DENND2A: variants seen among roughly 807,000 people sequenced by gnomAD.
The protein encoded by DENND2A is DENN domain containing 2A, also known as DENN domain-containing protein 2A.
Under a neutral mutation model 105.3 loss-of-function variants are expected in DENND2A, and 53 were observed. The observed-to-expected ratio is 0.50, with a 90% CI of 0.40 to 0.63. The LOEUF (loss-of-function observed/expected upper bound fraction) is 0.63, where lower values mean the gene tolerates loss of function less well. Among genes scored for constraint, DENND2A ranks in the 30% least tolerant of loss-of-function variants. The pLI is 0.00. For missense variants in DENND2A, 1,138 were observed against 1,279.6 expected, an observed-to-expected ratio of 0.89 and a Z score of 1.69; for synonymous variants, 522 against 508.4, an observed-to-expected ratio of 1.03 and a Z score of -0.36.
chr7:140,561,907 T>C (rs1479449116), intron 9 of DENND2A, among the ~76,000 whole-genome samples: 1 of 151,996 alleles, frequency 6.6e-6, no homozygotes, highest in African/African-American at 2.4e-5. Flanking sequence ...TTTATTCTTT[T>C]GAGATGGACT....
intron 1 of DENND2A, among the ~76,000 whole-genome samples, chr7:140,612,762 A>G (rs146418793): frequency 6.8e-4 from 103 of 151,990 alleles, no homozygotes; most frequent in African/African-American, 2.4e-3. Flanking sequence ...TTGGCCTCCC[A>G]AAGTACTGGG....
In DENND2A at chr7:140,518,617, C is replaced by T. The variant is rs975535126; in HGVS notation, c.*90G>A. 2.8e-6 allele frequency: 4 copies of T among 1,428,742 alleles called. No homozygotes were observed. Among genetic ancestry groups the T allele is most frequent in the Non-Finnish European group, 3.9e-6 (4 of 1,020,332 alleles). 88.5% of individuals were successfully genotyped at this position (1,428,742 alleles called of 1,614,324 possible). A position where few individuals can be genotyped will look rare whatever the true frequency, so the allele number is the denominator to read the frequency against. ...GGCCTCCAGTTCCGCACCGTGACAACCTGGGACCCAGCCTTTCAGAAAGGC... is the reference window on the plus strand; with the variant it reads ...GGCCTCCAGTTCCGCACCGTGACAATCTGGGACCCAGCCTTTCAGAAAGGC... On this transcript the variant is annotated 3_prime_UTR_variant, in exon 20 of 20. Coordinates refer to ENST00000496613, the MANE Select transcript of DENND2A (RefSeq NM_015689.5).
intron 1 of DENND2A, among the ~76,000 whole-genome samples, chr7:140,614,578 G>A (rs1397248669): frequency 6.6e-6 from 1 of 152,150 alleles, no homozygotes; most frequent in Non-Finnish European, 1.5e-5. Context: ...TTGCAAATAA[G>A]GCCATGGGCT....
intron 12 of DENND2A, among the ~76,000 whole-genome samples, chr7:140,550,134 TGGGGTTA>T (rs1399864590): frequency 1.6e-3 from 2 of 1,270 alleles, no homozygotes; most frequent in Non-Finnish European, 3.4e-3. Flanking sequence ...GGGATAGGGG[TGGGGTTA>T]GGGGTGGGGT....
At chr7:140,590,786 C>A (rs982849240) in intron 3 of DENND2A, among the ~76,000 whole-genome samples, 2 of 151,992 alleles carry the variant, frequency 1.3e-5, no homozygotes, top group Admixed American at 1.3e-4. Context: ...GTGGGAGGAT[C>A]CCTTGAGCCT....
chr7:140,519,163 C>T (rs901047488), intron 19 of DENND2A, among the ~76,000 whole-genome samples: 2 of 152,200 alleles, frequency 1.3e-5, no homozygotes, highest in African/African-American at 2.4e-5. Context: ...CTGCAGACAC[C>T]TCCCTACTGG....
intron 8 of DENND2A, among the ~76,000 whole-genome samples, chr7:140,567,894 A>AGGGTCACTGAGTGGAC (rs1797930313): frequency 6.6e-6 from 1 of 152,176 alleles, no homozygotes; most frequent in African/African-American, 2.4e-5. Context: ...TGAATGCAGC[A>AGGGTCACTGAGTGGAC]GGGTCACTGA....
At chr7:140,533,944 C>T (rs1261515781) in intron 14 of DENND2A, among the ~76,000 whole-genome samples, 2 of 152,116 alleles carry the variant, frequency 1.3e-5, no homozygotes, top group African/African-American at 2.4e-5. Flanking sequence ...GATGGAGTCT[C>T]ACTCTGTCGC....
chr7:140,587,557 T>C (rs1482729041), intron 4 of DENND2A, 96 bp downstream of exon 4: 8 of 1,511,052 alleles, frequency 5.3e-6, no homozygotes, highest in Non-Finnish European at 2.7e-6. Flanking sequence ...TGTGTGTACA[T>C]GTGTGTGCAC....
intron 1 of DENND2A, among the ~76,000 whole-genome samples, chr7:140,628,058 G>C (rs1800599867): frequency 6.6e-6 from 1 of 152,076 alleles, no homozygotes. Flanking sequence ...CCAAAGTGCT[G>C]GGATTACAGG....
chr7:140,559,813 T>C lies in DENND2A; in HGVS notation c.1784A>G (p.Glu595Gly). ...TTCTCTCATGAACTTGAAAGACCTT[T>C]CCAACTGCAGGGAGAAAGGTGAGAG... is the stretch of plus-strand genomic sequence containing the variant. Reference protein sequence around the residue: ...ELTQQFPLKLERSFKFMREAE... With the variant: ...ELTQQFPLKLGRSFKFMREAE... Residue 595 changes from glutamate to glycine, a missense_variant, in exon 10 of 20, where the codon GAA becomes GGA. This residue lies in a region of DENND2A where 627 missense variants were observed against 779.8 expected (regional missense o/e 0.80). Coordinates refer to ENST00000496613, the MANE Select transcript of DENND2A (RefSeq NM_015689.5). This position sits in a 1 kb window ranked among gnomAD's most constrained non-coding sequence, Gnocchi z 4.1. 1 of 1,611,550 alleles carries C rather than the reference T, an allele frequency of 6.2e-7. No individual in the cohort carries two copies. Among genetic ancestry groups the C allele is most frequent in the Non-Finnish European group, 8.5e-7 (1 of 1,177,674 alleles).
intron 3 of DENND2A, among the ~76,000 whole-genome samples, chr7:140,590,146 T>A (rs1798953171): frequency 1.3e-5 from 2 of 152,120 alleles, no homozygotes; most frequent in Non-Finnish European, 2.9e-5. Flanking sequence ...TTCCAGCACT[T>A]TGGGAGGCCG....
At chr7:140,536,749 C>T (rs999654157) in intron 14 of DENND2A, among the ~76,000 whole-genome samples, 1 of 152,090 alleles carries the variant, frequency 6.6e-6, no homozygotes, top group Non-Finnish European at 1.5e-5. Flanking sequence ...ACTGCAGCCT[C>T]CCTCCTGGGT....
Position 140,624,890 on chromosome 7 carries a change from A to G in DENND2A, c.-248+15614T>C, listed in dbSNP as rs556977543. On this transcript the variant is annotated intron_variant, in intron 1 of 19. Transcript: ENST00000496613. ...TTTGTTTTTTTTTTTTTGCTTTTTG[A>G]GACAGCATCTCTCTCTGTTGCCAAG... is the stretch of plus-strand genomic sequence containing the variant. Among the ~76,000 whole-genome samples, 14 of 108,876 alleles carry G rather than the reference A, an allele frequency of 1.3e-4. No individual in the cohort carries two copies. The East Asian group carries it at 3.3e-3, about 25-fold the overall frequency. 71.4% of individuals were successfully genotyped at this position (108,876 alleles called of 152,430 possible). A position where few individuals can be genotyped will look rare whatever the true frequency, so the allele number is the denominator to read the frequency against.
chr7:140,560,550 G>A (rs1051170009), intron 9 of DENND2A, among the ~76,000 whole-genome samples: 1 of 152,062 alleles, frequency 6.6e-6, no homozygotes, highest in Non-Finnish European at 1.5e-5. Flanking sequence ...GGAGTACTTT[G>A]GGAGGCCAAG....
intron 11 of DENND2A, 35 bp downstream of exon 11, chr7:140,558,108 G>A (rs1329782832): frequency 2.5e-6 from 4 of 1,595,366 alleles, no homozygotes; most frequent in East Asian, 2.2e-5. Flanking sequence ...GGAAGTCCAC[G>A]AGGCTCTTGC....
At chr7:140,636,027 G>A (rs1027296903) in intron 1 of DENND2A, among the ~76,000 whole-genome samples, 2 of 152,288 alleles carry the variant, frequency 1.3e-5, no homozygotes, top group African/African-American at 2.4e-5. Flanking sequence ...GGGGCCAGCG[G>A]GGCCTGGCAC....
intron 5 of DENND2A, among the ~76,000 whole-genome samples, chr7:140,581,136 G>T (rs1168843421): frequency 6.6e-6 from 1 of 151,996 alleles, no homozygotes; most frequent in Admixed American, 6.6e-5. Flanking sequence ...ACAGTGGCCT[G>T]TGCCTGTAAT....
intron 5 of DENND2A, among the ~76,000 whole-genome samples, chr7:140,574,706 A>G: frequency 6.6e-6 from 1 of 152,094 alleles, no homozygotes; most frequent in Non-Finnish European, 1.5e-5. Flanking sequence ...TCAATATCTT[A>G]TTTCTAAAAC....
Sources: gnomAD v4.1 joint callset for allele counts (sites outside exome capture counted in the v4.1 genomes callset) on GRCh38, gnomAD v4.1.1 for gene constraint, gnomAD v4.1.1 regional missense constraint, Gnocchi (gnomAD v3.1) non-coding constraint, MANE v1.5 for transcripts, NCBI Gene and HGNC (gene_info 2026-07-23, HGNC 2026-07-21) for gene names.